The following CCDC61 variants were observed in gnomAD, a reference collection of about 807,000 sequenced individuals.
The protein encoded by CCDC61 is centrosomal protein CCDC61.
CCDC61 carries 55 observed loss-of-function variants against 63.0 expected under a neutral mutation model. The observed-to-expected ratio is 0.87, with a 90% CI of 0.70 to 1.09. CCDC61 has a LOEUF of 1.09. Among genes scored for constraint, CCDC61 ranks in the 50% least tolerant of loss-of-function variants. CCDC61 has a pLI of 0.00. For missense variants in CCDC61, 651 were observed against 731.4 expected (o/e 0.89, Z 1.27); for synonymous variants, 270 against 317.0 (o/e 0.85, Z 1.58).
intron 1 of CCDC61, among the ~76,000 whole-genome samples, chr19:46,002,574 C>T (rs1968611638): frequency 6.6e-6 from 1 of 151,860 alleles, no homozygotes; most frequent in Non-Finnish European, 1.5e-5. Context: ...CACCACCACA[C>T]CTGGCAATTT....
intron 3 of CCDC61, among the ~76,000 whole-genome samples, chr19:46,005,616 G>GT (rs1968691616): frequency 1.3e-5 from 2 of 151,972 alleles, no homozygotes; most frequent in South Asian, 4.1e-4. Context: ...CAGACACCCA[G>GT]TGGAAGATAC....
chr19:46,008,077 C>T, intron 4 of CCDC61, 63 bp from the exon 5 acceptor site: 1 of 1,491,510 alleles, frequency 6.7e-7, no homozygotes, highest in Non-Finnish European at 9.0e-7. Flanking sequence ...TCAGAGGCTG[C>T]TGTTTACCCT....
At chr19:46,006,815 T>C (rs1325508673) in intron 4 of CCDC61, 99 bp downstream of exon 4, 1 of 1,139,666 alleles carries the variant, frequency 8.8e-7, no homozygotes, top group Admixed American at 2.3e-5. Flanking sequence ...CAAGGTGATA[T>C]TGGTTAAGCC....
chr19:46,016,766 C>G lies in CCDC61; in HGVS notation c.1164C>G (p.Thr388=). 1 of 1,577,748 alleles carries G rather than the reference C, an allele frequency of 6.3e-7. No homozygotes were observed. Among genetic ancestry groups the G allele is most frequent in the Non-Finnish European group, 8.6e-7 (1 of 1,162,644 alleles). ...CGTCCGTCTCCTGGTCTCGCCAGAC[C>G]CAGCCCCCTGCTGCCTTGACTGGCC... ...DGPSVSWSRQ[T]QPPAALTGRG... Residue 388 remains threonine (T), a synonymous_variant, in exon 10 of 14, where the codon ACC becomes ACG. Coordinates refer to ENST00000595358, the MANE Select transcript of CCDC61 (RefSeq NM_001267723.2). The surrounding 1 kb of genome is among the most constrained non-coding windows in gnomAD (Gnocchi z 7.2).
chr19:46,016,143 C>G lies in CCDC61; in HGVS notation c.935C>G (p.Ala312Gly). Residue 312 changes from alanine (A) to glycine (G), a missense_variant, in exon 8 of 14, where the codon GCC (alanine) becomes GGC (glycine). Physicochemically the swap from Ala to Gly is moderately conservative, Grantham distance 60. Transcript: ENST00000595358. The surrounding 1 kb of genome is among the most constrained non-coding windows in gnomAD (Gnocchi z 7.2). ...CGCTCCGCGTCGCGAGGCCGCGGCG[C>G]CGCGCGCTCCTCATCCCGGGAGAGC... ...RERSASRGRG[A>G]ARSSSRESGR... is the part of the protein sequence containing the mutation. 8.0e-7 allele frequency: 1 copy of G among 1,246,672 alleles called. No individual in the cohort carries two copies. The allele number at this position is 1,246,672 out of a possible 1,614,324, so 77.2% of individuals were successfully genotyped here.
chr19:46,016,578 C>A lies in CCDC61; in HGVS notation c.1092-116C>A. ...TCTGTGTTTCTGCGTGCTTTCCGCT[C>A]GTAGGCCTGTCACCTCAGGCTTTCG... On this transcript the variant is annotated intron_variant, in intron 9 of 13. Transcript: ENST00000595358. This position sits in a 1 kb window ranked among gnomAD's most constrained non-coding sequence, Gnocchi z 7.2. 6.7e-7 allele frequency: 1 copy of A among 1,482,034 alleles called. No homozygotes were observed. Among genetic ancestry groups the A allele is most frequent in the South Asian group, 1.3e-5 (1 of 79,366 alleles). The allele number at this position is 1,482,034 out of a possible 1,614,324, so 91.8% of individuals were successfully genotyped here. A position where few individuals can be genotyped will look rare whatever the true frequency, so the allele number is the denominator to read the frequency against.
intron 3 of CCDC61, among the ~76,000 whole-genome samples, chr19:46,006,116 C>T (rs546669628): frequency 3.9e-4 from 60 of 152,302 alleles, no homozygotes; most frequent in African/African-American, 1.4e-3. Context: ...ATACAATAAC[C>T]TCCAGTACCA....
At chr19:46,004,602 C>T (rs527429142) in intron 3 of CCDC61, among the ~76,000 whole-genome samples, 21 of 151,674 alleles carry the variant, frequency 1.4e-4, no homozygotes, top group Non-Finnish European at 2.1e-4. Context: ...GTAGCTGGGA[C>T]TACAGGCGTG....
chr19:46,015,125 C>G lies in CCDC61; in HGVS notation c.628C>G (p.Arg210Gly). The stretch of plus-strand genomic sequence containing the variant: ...ATCGCGCGAGGAGGCGCTGGCCGGG[C>G]GCGCGGCACGCCAGGAGGCCGAGGC... Reference protein sequence around the residue: ...GRSREEALAGRAARQEAEALR... With the variant: ...GRSREEALAGGAARQEAEALR... Residue 210 changes from arginine (R) to glycine (G), a missense_variant, in exon 6 of 14, where the codon CGC (arginine) becomes GGC (glycine). Physicochemically the swap from Arg to Gly is moderately radical, Grantham distance 125. Transcript: ENST00000595358. This position sits in a 1 kb window ranked among gnomAD's most constrained non-coding sequence, Gnocchi z 5.3. 1.5e-6 allele frequency: 2 copies of G among 1,296,826 alleles called. No individual in the cohort carries two copies. Among genetic ancestry groups the G allele is most frequent in the Non-Finnish European group, 2.0e-6 (2 of 1,025,352 alleles). The allele number at this position is 1,296,826 out of a possible 1,614,324, so 80.3% of individuals were successfully genotyped here. A position where few individuals can be genotyped will look rare whatever the true frequency, so the allele number is the denominator to read the frequency against.
At position 46,017,052 on chromosome 19, in the gene CCDC61, T is replaced by C; in HGVS notation, c.1293T>C (p.Ser431=). ...ASSCSDLEDF[S]ESLSRGGHRR... is the part of the protein sequence containing the mutation. The stretch of plus-strand genomic sequence containing the variant: ...CCTGCAGCGATTTGGAGGATTTCTC[T>C]GAGTCGCTCTCCAGAGGGTAAAACT... Residue 431 remains serine, a synonymous_variant, in exon 11 of 14, where the codon TCT becomes TCC. Transcript: ENST00000595358. 1.2e-6 allele frequency: 2 copies of C among 1,612,430 alleles called. No homozygotes were observed. The highest frequency in any genetic ancestry group is 1.7e-6 in the Non-Finnish European group (2 of 1,179,272).
intron 1 of CCDC61, among the ~76,000 whole-genome samples, chr19:46,002,771 C>T (rs998188075): frequency 3.9e-5 from 6 of 152,162 alleles, no homozygotes; most frequent in Admixed American, 1.3e-4. Flanking sequence ...CTCCAGGTCA[C>T]AGTACCAAGT....
intron 1 of CCDC61, among the ~76,000 whole-genome samples, chr19:46,000,577 T>G (rs1382415019): frequency 6.7e-6 from 1 of 148,482 alleles, no homozygotes; most frequent in Non-Finnish European, 1.5e-5. Flanking sequence ...GGAAGGGGAG[T>G]CCAGAATTCC....
intron 3 of CCDC61, among the ~76,000 whole-genome samples, chr19:46,004,791 C>T (rs1018594131): frequency 6.7e-6 from 1 of 148,872 alleles, no homozygotes; most frequent in African/African-American, 2.5e-5. Flanking sequence ...GGGGAAGAAG[C>T]AGGTTAGAAC....
intron 5 of CCDC61, among the ~76,000 whole-genome samples, chr19:46,009,442 TA>T (rs777421706): frequency 6.6e-6 from 1 of 152,188 alleles, no homozygotes; most frequent in African/African-American, 2.4e-5. Flanking sequence ...GCTTTATGAT[TA>T]AATTCATTTT....
intron 1 of CCDC61, among the ~76,000 whole-genome samples, chr19:45,995,746 T>A (rs1395879050): frequency 6.6e-6 from 1 of 152,040 alleles, no homozygotes; most frequent in Non-Finnish European, 1.5e-5. Flanking sequence ...GGGAAAGTTG[T>A]AAAGCAGGAG....
At position 46,015,066 on chromosome 19, in the gene CCDC61, C is replaced by T. The variant is rs1215534439; in HGVS notation, c.569C>T (p.Ser190Phe). 5 of 1,470,356 alleles carry T rather than the reference C, an allele frequency of 3.4e-6. No homozygotes were observed. The highest frequency in any genetic ancestry group is 4.5e-6 in the Non-Finnish European group (5 of 1,114,862). The allele number at this position is 1,470,356 out of a possible 1,614,324, so 91.1% of individuals were successfully genotyped here. A position where few individuals can be genotyped will look rare whatever the true frequency, so the allele number is the denominator to read the frequency against. The change falls in exon 6 of 14, where the codon TCC becomes TTC. Residue 190 changes from serine (S) to phenylalanine (F), a missense_variant. Ser to Phe is a radical substitution (Grantham distance 155). Coordinates refer to ENST00000595358, the MANE Select transcript of CCDC61 (RefSeq NM_001267723.2). This position sits in a 1 kb window ranked among gnomAD's most constrained non-coding sequence, Gnocchi z 5.3. ...TTCCCCAGGGTGTCGCGCCTGGCGT[C>T]CGAGAAGCGGGAGCTGGAGGCGCAG... ...HLREQVSRLA[S>F]EKRELEAQLG...
chr19:46,015,447 G>C lies in CCDC61; in HGVS notation c.845+20G>C. The C allele has an allele frequency of 6.3e-7, 1 of 1,591,442 alleles. No homozygotes were observed. The highest frequency in any genetic ancestry group is 8.5e-7 in the Non-Finnish European group (1 of 1,174,996). ...GAGGGGGTGAGAGCGAGGCCTGCCA[G>C]GCGCCTGGGCGGATGGGCGGGCCCT... On this transcript the variant is annotated intron_variant, in intron 7 of 13. Transcript: ENST00000595358. The surrounding 1 kb of genome is among the most constrained non-coding windows in gnomAD (Gnocchi z 5.3).
At position 46,018,440 on chromosome 19, in the gene CCDC61, G is replaced by T. The variant is rs933315719; in HGVS notation, c.*53G>T. The T allele has an allele frequency of 3.2e-5, 46 of 1,450,872 alleles. No individual in the cohort carries two copies. The African/African-American group carries it at 5.9e-4, about 19-fold the overall frequency. 89.9% of individuals were successfully genotyped at this position (1,450,872 alleles called of 1,614,324 possible). ...CCCCCACCCACTTGCTGGGTATGGT[G>T]TGGGGGGTGGGGCCAGGGTGGCCTC... On this transcript the variant is annotated 3_prime_UTR_variant, in exon 14 of 14. Coordinates refer to ENST00000595358, the MANE Select transcript of CCDC61 (RefSeq NM_001267723.2). The surrounding 1 kb of genome is among the most constrained non-coding windows in gnomAD (Gnocchi z 4.2).
intron 4 of CCDC61, 92 bp downstream of exon 4, chr19:46,006,808 G>A: frequency 1.2e-5 from 14 of 1,179,012 alleles, no homozygotes; most frequent in Non-Finnish European, 1.7e-5. Context: ...ACCCAGGCAA[G>A]GTGATATTGG....
Sources: allele counts gnomAD v4.1 joint callset (sites outside exome capture counted in the v4.1 genomes callset), GRCh38; gene constraint gnomAD v4.1.1; non-coding constraint Gnocchi (gnomAD v3.1); transcripts MANE v1.5; gene names NCBI Gene and HGNC (gene_info 2026-07-23, HGNC 2026-07-21).